RINT1: variants seen among roughly 807,000 people sequenced by gnomAD.
RINT1 encodes the protein RAD50 interactor 1.
A neutral mutation model predicts 97.7 loss-of-function variants in RINT1; 75 were observed. That is an observed-to-expected ratio of 0.77 (90% confidence interval 0.64 to 0.93). The LOEUF is 0.93. RINT1 is among the 40% of genes least tolerant of loss of function. The probability of loss-of-function intolerance (pLI) is 0.00; values close to 1 mark genes in which losing one functional copy is unlikely to be tolerated. For synonymous variants in RINT1, 303 were observed against 326.3 expected, an observed-to-expected ratio of 0.93 and a Z score of 0.77; for missense variants, 892 against 925.2, an observed-to-expected ratio of 0.96 and a Z score of 0.47.
At chr7:105,552,538 G>T (rs986989557) in intron 10 of RINT1, among the ~76,000 whole-genome samples, 1 of 152,132 alleles carries the variant, frequency 6.6e-6, no homozygotes, top group Admixed American at 6.5e-5. Context: ...TGTTGTCCAG[G>T]TGCCACTGGA....
Position 105,567,454 on chromosome 7 carries a change from T to C in RINT1, c.*143T>C, listed in dbSNP as rs1157848019. The C allele has an allele frequency of 8.2e-6, 6 of 732,166 alleles. No homozygotes were observed. Among genetic ancestry groups the C allele is most frequent in the Admixed American group, 2.1e-5 (1 of 48,458 alleles). 45.4% of individuals were successfully genotyped at this position (732,166 alleles called of 1,614,324 possible). A position where few individuals can be genotyped will look rare whatever the true frequency, so the allele number is the denominator to read the frequency against. ...TTATTATCTTGGATTTATGGTGTTA[T>C]TAAAATGCTGACCATATTTCCTTCA... On this transcript the variant is annotated 3_prime_UTR_variant, in exon 15 of 15. Coordinates refer to ENST00000257700, the MANE Select transcript of RINT1 (RefSeq NM_021930.6).
chr7:105,543,168 G>A (rs978979062), intron 4 of RINT1, among the ~76,000 whole-genome samples: 3 of 152,100 alleles, frequency 2.0e-5, no homozygotes, highest in Non-Finnish European at 4.4e-5. Flanking sequence ...GGGATTACAG[G>A]CATGAGCTAC....
intron 10 of RINT1, 90 bp downstream of exon 10, chr7:105,551,797 G>T (rs927413730): frequency 5.5e-6 from 6 of 1,083,460 alleles, no homozygotes; most frequent in Admixed American, 4.9e-5. Context: ...TGGGTGCAGT[G>T]GCTCATGCCT....
rs749460107 is a variant in RINT1, at chr7:105,565,259, A to G, written c.1887-18A>G. The G allele has an allele frequency of 6.4e-7, 1 of 1,557,676 alleles. No individual in the cohort carries two copies. Among genetic ancestry groups the G allele is most frequent in the South Asian group, 1.2e-5 (1 of 83,960 alleles). On this transcript the variant is annotated intron_variant, in intron 12 of 14. Coordinates refer to ENST00000257700, the MANE Select transcript of RINT1 (RefSeq NM_021930.6). ...AGAAACTGATGAAAATTTTTTGGTA[A>G]AAATGTGTTTTTTCCAGATGGTTGT... is the stretch of plus-strand genomic sequence containing the variant.
intron 11 of RINT1, among the ~76,000 whole-genome samples, chr7:105,561,962 GC>G (rs1321032829): frequency 6.6e-6 from 1 of 152,012 alleles, no homozygotes; most frequent in Non-Finnish European, 1.5e-5. Flanking sequence ...AAATTCAAAA[GC>G]CACAAAACTG....
chr7:105,563,695 A>G lies in RINT1; in HGVS notation c.1672-38A>G, dbSNP rs543085999. 4 of 1,516,672 alleles carry G rather than the reference A, an allele frequency of 2.6e-6. No individual in the cohort carries two copies. In the African/African-American group the frequency reaches 5.5e-5, roughly 21 times the overall value. The allele number at this position is 1,516,672 out of a possible 1,614,324, so 94.0% of individuals were successfully genotyped here. On this transcript the variant is annotated intron_variant, in intron 11 of 14. Transcript: ENST00000257700. ...GAATTCTATTTCAAACTGTTAAAAA[A>G]AAAGTATGCTAATGTGTTAACATGT...
chr7:105,536,123 G>T (rs1790219120), intron 2 of RINT1, among the ~76,000 whole-genome samples: 1 of 151,940 alleles, frequency 6.6e-6, no homozygotes, highest in African/African-American at 2.4e-5. Flanking sequence ...TTGATACAGA[G>T]TCTCTGTCGC....
At chr7:105,549,598 C>T (rs1389361219) in intron 7 of RINT1, among the ~76,000 whole-genome samples, 1 of 152,078 alleles carries the variant, frequency 6.6e-6, no homozygotes, top group African/African-American at 2.4e-5. Context: ...ATCCACCCAC[C>T]TCGGCCTCCC....
chr7:105,537,805 C>T (rs183198421), intron 3 of RINT1, among the ~76,000 whole-genome samples: 10 of 151,938 alleles, frequency 6.6e-5, no homozygotes, highest in Admixed American at 1.3e-4. Context: ...CATCGCACTC[C>T]AGCCGGGGCA....
chr7:105,539,176 TC>T (rs1204550535), intron 3 of RINT1, among the ~76,000 whole-genome samples: 1 of 152,126 alleles, frequency 6.6e-6, no homozygotes, highest in Non-Finnish European at 1.5e-5. Flanking sequence ...ACTATACTGA[TC>T]CATTTTTTAG....
chr7:105,550,438 C>G lies in RINT1; in HGVS notation c.1285C>G (p.Leu429Val). 2 of 1,614,042 alleles carry G rather than the reference C, an allele frequency of 1.2e-6. No homozygotes were observed. Among genetic ancestry groups the G allele is most frequent in the Middle Eastern group, 1.6e-4 (1 of 6,062 alleles). ...PGTFASCMHILSEETCFQRWL... is the reference protein window; with the variant it reads ...PGTFASCMHIVSEETCFQRWL... ...CACTTTTGCTAGTTGTATGCATATT[C>G]TATCAGAGGAAACCTGTTTTCAGAG... Residue 429 changes from leucine (L) to valine (V), a missense_variant, in exon 9 of 15, where the codon CTA becomes GTA. Physicochemically the swap from Leu to Val is conservative, Grantham distance 32. Coordinates refer to ENST00000257700, the MANE Select transcript of RINT1 (RefSeq NM_021930.6).
intron 9 of RINT1, 32 bp downstream of exon 9, chr7:105,550,518 A>G: frequency 6.8e-7 from 1 of 1,467,186 alleles, no homozygotes; most frequent in South Asian, 1.1e-5. Flanking sequence ...TGGTAGGGAG[A>G]TATGTCTGTT....
At chr7:105,550,015 G>A (rs2133399754) in intron 7 of RINT1, 40 bp from the exon 8 acceptor site, 1 of 1,265,512 alleles carries the variant, frequency 7.9e-7, no homozygotes, top group Middle Eastern at 1.9e-4. Flanking sequence ...TTTCTAATTG[G>A]AATGACTTAA....
rs533951268 is a variant in RINT1 at position 105,553,975 on chromosome 7, C to A, written c.1472-1053C>A. 2.7e-5 allele frequency among the ~76,000 whole-genome samples: 4 copies of A among 146,246 alleles called. No homozygotes were observed. The East Asian group carries it at 8.0e-4, about 29-fold the overall frequency. On this transcript the variant is annotated intron_variant, in intron 10 of 14. Transcript: ENST00000257700. ...GTGCAGTGGCGCCATCTCAGCTCACCGCAAGCTCTGCCTCCCGGGTTCACG... is the reference window on the plus strand; with the variant it reads ...GTGCAGTGGCGCCATCTCAGCTCACAGCAAGCTCTGCCTCCCGGGTTCACG...
Position 105,552,666 on chromosome 7 carries a change from CTTTTTT to C in RINT1, c.1471+979_1471+984del, listed in dbSNP as rs386410906. Among the ~76,000 whole-genome samples, 717 of 80,016 alleles carry C rather than the reference CTTTTTT, an allele frequency of 9.0e-3. 3 individuals carry two copies. The highest frequency in any genetic ancestry group is 0.03 in the African/African-American group (675 of 22,706). 52.5% of individuals were successfully genotyped at this position (80,016 alleles called of 152,430 possible). A position where few individuals can be genotyped will look rare whatever the true frequency, so the allele number is the denominator to read the frequency against. On this transcript the variant is annotated intron_variant, in intron 10 of 14. Transcript: ENST00000257700. ...TTCCAGCCCAGTCAGTAAATAATTC[CTTTTTT>C]TTTTTTTTTTTTTTTTTTTGAGATG...
At chr7:105,542,697 TTCTG>T (rs776898727) in intron 4 of RINT1, 48 bp downstream of exon 4, 4 of 1,596,678 alleles carry the variant, frequency 2.5e-6, no homozygotes, top group South Asian at 2.3e-5. Context: ...CCTTTGAGGC[TTCTG>T]TCTTAGAGAG....
rs1450035126 is a variant in RINT1, at chr7:105,547,206, C to T, written c.712C>T (p.Gln238Ter). The change falls in exon 6 of 15, where the codon CAG becomes TAG. Residue 238 changes from glutamine to a stop codon, truncating the protein, a stop_gained. Transcript: ENST00000257700. LOFTEE classifies it high-confidence loss of function. ...LTSDFEEILAQLHWPFIAPPQ... is the reference protein window; with the variant it reads ...LTSDFEEILA ...CAGTGATTTTGAGGAAATTTTAGCA[C>T]AGCTTCATTGGCCATTCATCGCACC... 3.1e-6 allele frequency: 5 copies of T among 1,614,044 alleles called. No individual in the cohort carries two copies. The highest frequency in any genetic ancestry group is 4.2e-6 in the Non-Finnish European group (5 of 1,180,038).
At chr7:105,563,531 C>T (rs958092200) in intron 11 of RINT1, among the ~76,000 whole-genome samples, 1 of 152,022 alleles carries the variant, frequency 6.6e-6, no homozygotes, top group Non-Finnish European at 1.5e-5. Flanking sequence ...GGAGTTTCAC[C>T]ATGTTGGCCA....
rs2133497355 is a variant in RINT1, at chr7:105,567,235, G to C, written c.2303G>C (p.Gly768Ala). The stretch of plus-strand genomic sequence containing the variant: ...GCCACAGCAGCATTAAATGAAGTTG[G>C]AATTTACAAACTGGCTCAACAAGAT... ...LPATAALNEV[G>A]IYKLAQQDVE... is the part of the protein sequence containing the mutation. Residue 768 changes from glycine (G) to alanine (A), a missense_variant, in exon 15 of 15, where the codon GGA (glycine) becomes GCA (alanine). Coordinates refer to ENST00000257700, the MANE Select transcript of RINT1 (RefSeq NM_021930.6). 1 of 1,613,626 alleles carries C rather than the reference G, an allele frequency of 6.2e-7. No individual in the cohort carries two copies. The highest frequency in any genetic ancestry group is 1.7e-4 in the Middle Eastern group (1 of 6,060).
Sources: allele counts gnomAD v4.1 joint callset (sites outside exome capture counted in the v4.1 genomes callset), GRCh38; gene constraint gnomAD v4.1.1; transcripts MANE v1.5; gene names NCBI Gene and HGNC (gene_info 2026-07-23, HGNC 2026-07-21).